The following NRG3 variants were observed in gnomAD, a reference collection of about 807,000 sequenced individuals.
NRG3 encodes neuregulin 3, also known as pro-neuregulin-3, membrane-bound isoform.
In NRG3, 31 loss-of-function variants were observed where a neutral mutation model predicts 66.9. The observed-to-expected ratio is 0.46, with a 90% CI of 0.35 to 0.63. The LOEUF (loss-of-function observed/expected upper bound fraction) is 0.63, where lower values mean the gene tolerates loss of function less well. NRG3 is among the 20% of genes least tolerant of loss of function. The pLI, the probability that NRG3 is intolerant of heterozygous loss-of-function variation, is 0.00. For synonymous variants in NRG3, 393 were observed against 359.4 expected (o/e 1.09, Z -1.06); for missense variants, 910 against 878.9 (o/e 1.04, Z -0.45).
At chr10:82,945,010 A>G (rs957169448) in intron 4 of NRG3, among the ~76,000 whole-genome samples, 4 of 152,144 alleles carry the variant, frequency 2.6e-5, no homozygotes, top group Non-Finnish European at 2.9e-5. Context: ...TGGTAGAGAA[A>G]CACCACAAGT....
intron 3 of NRG3, among the ~76,000 whole-genome samples, chr10:82,850,430 C>T (rs192528789): frequency 2.1e-4 from 32 of 152,158 alleles, no homozygotes; most frequent in African/African-American, 5.8e-4. Context: ...ATTTGAACAA[C>T]GGGGGAAAGG....
At chr10:82,326,381 T>C (rs1366216668) in intron 1 of NRG3, among the ~76,000 whole-genome samples, 1 of 152,140 alleles carries the variant, frequency 6.6e-6, no homozygotes, top group Non-Finnish European at 1.5e-5. Context: ...TGTGCCTTTA[T>C]ATGGTTTTCT....
intron 4 of NRG3, among the ~76,000 whole-genome samples, chr10:82,901,200 T>C (rs567108438): frequency 2.0e-5 from 3 of 152,342 alleles, no homozygotes; most frequent in Admixed American, 6.5e-5. Flanking sequence ...ATCATTTATA[T>C]TCTCAAAAAT....
intron 3 of NRG3, among the ~76,000 whole-genome samples, chr10:82,846,496 T>C (rs2135794313): frequency 6.6e-6 from 1 of 152,300 alleles, no homozygotes; most frequent in Non-Finnish European, 1.5e-5. Flanking sequence ...TGAATGATTA[T>C]TATTTTTCAG....
At position 82,824,697 on chromosome 10, in the gene NRG3, G is replaced by A. The variant is rs1372153720; in HGVS notation, c.1028-40714G>A. 2.0e-5 allele frequency among the ~76,000 whole-genome samples: 3 copies of A among 148,700 alleles called. No homozygotes were observed. In the East Asian group the frequency reaches 5.8e-4, roughly 29 times the overall value. On this transcript the variant is annotated intron_variant, in intron 3 of 8. Transcript: ENST00000372141. Reference sequence around the variant, plus strand: ...TGAGAACTGTATATACAAATATTTTGCCCATTTTTTAATTATAGACACTTT... The same window carrying A: ...TGAGAACTGTATATACAAATATTTTACCCATTTTTTAATTATAGACACTTT...
At chr10:82,450,418 T>C (rs2090964757) in intron 2 of NRG3, among the ~76,000 whole-genome samples, 2 of 152,182 alleles carry the variant, frequency 1.3e-5, no homozygotes, top group Non-Finnish European at 2.9e-5. Context: ...CCCTGAAGAC[T>C]GGCCTTAGCA....
At chr10:82,864,866 C>G (rs1037983302) in intron 3 of NRG3, among the ~76,000 whole-genome samples, 1 of 152,124 alleles carries the variant, frequency 6.6e-6, no homozygotes, top group Admixed American at 6.6e-5. Context: ...TTTAATCTCA[C>G]TGAAGCACAG....
Position 82,175,116 on chromosome 10 carries a change from T to C in NRG3, c.824-183623T>C, listed in dbSNP as rs647823. Among the ~76,000 whole-genome samples the C allele has an allele frequency of 3.2e-3, 488 of 152,238 alleles. 1 individual carries two copies. The highest frequency in any genetic ancestry group is 5.9e-3 in the Non-Finnish European group (398 of 67,998). ...CATTAGGGACATTAAGACCTACCCT[T>C]ATATGGCCTTGCTACCCATCACTTT... On this transcript the variant is annotated intron_variant, in intron 1 of 8. Transcript: ENST00000372141.
At chr10:82,088,758 G>A (rs1465719668) in intron 1 of NRG3, among the ~76,000 whole-genome samples, 1 of 152,058 alleles carries the variant, frequency 6.6e-6, no homozygotes, top group Non-Finnish European at 1.5e-5. Flanking sequence ...GGCTGTACTC[G>A]ACTTTTCCCC....
chr10:82,805,588 G>A (rs1311447044), intron 3 of NRG3, among the ~76,000 whole-genome samples: 2 of 152,086 alleles, frequency 1.3e-5, no homozygotes, highest in Non-Finnish European at 2.9e-5. Flanking sequence ...AGATCTTGAG[G>A]CCCTGGGAGG....
intron 2 of NRG3, among the ~76,000 whole-genome samples, chr10:82,505,772 A>G (rs1022860947): frequency 6.6e-6 from 1 of 152,160 alleles, no homozygotes; most frequent in Admixed American, 6.5e-5. Flanking sequence ...TTCCAACCTC[A>G]CTTTGAAGAA....
intron 1 of NRG3, among the ~76,000 whole-genome samples, chr10:82,147,991 A>G (rs1436362294): frequency 2.0e-5 from 3 of 152,212 alleles, no homozygotes; most frequent in Non-Finnish European, 4.4e-5. Context: ...AGGCTTTGGA[A>G]TTCACAAGCT....
At chr10:82,729,301 A>T (rs1288381798) in intron 2 of NRG3, among the ~76,000 whole-genome samples, 2 of 152,222 alleles carry the variant, frequency 1.3e-5, no homozygotes, top group Non-Finnish European at 2.9e-5. Context: ...ACAACCTGTC[A>T]TTGTTACCCC....
intron 1 of NRG3, among the ~76,000 whole-genome samples, chr10:81,945,664 T>G (rs761024699): frequency 4.6e-5 from 7 of 152,134 alleles, no homozygotes; most frequent in Non-Finnish European, 7.3e-5. Context: ...TTGTGTCCTT[T>G]CAACCCCCCA....
chr10:82,719,224 G>A (rs1389258598), intron 2 of NRG3, among the ~76,000 whole-genome samples: 3 of 152,168 alleles, frequency 2.0e-5, no homozygotes, highest in African/African-American at 7.2e-5. Context: ...GGAAGTAATA[G>A]TGTAGATTCC....
In NRG3 at chr10:82,210,505, C is replaced by T. The variant is rs370694466; in HGVS notation, c.824-148234C>T. ...GGGGTTGAATGGAGATTGGGTTGTG[C>T]GAAAGAGAAGATTTCAAACTTTGGG... On this transcript the variant is annotated intron_variant, in intron 1 of 8. Coordinates refer to ENST00000372141, the MANE Select transcript of NRG3 (RefSeq NM_001010848.4). Among the ~76,000 whole-genome samples, 11 of 152,136 alleles carry T rather than the reference C, an allele frequency of 7.2e-5. 1 individual carries two copies. Among genetic ancestry groups the T allele is most frequent in the African/African-American group, 2.2e-4 (9 of 41,502 alleles).
intron 1 of NRG3, among the ~76,000 whole-genome samples, chr10:82,153,358 T>C (rs2070924244): frequency 6.6e-6 from 1 of 151,994 alleles, no homozygotes; most frequent in African/African-American, 2.4e-5. Flanking sequence ...GTTTCATCCA[T>C]GTTGTCACAA....
At chr10:82,456,137 CTTT>C (rs147759240) in intron 2 of NRG3, among the ~76,000 whole-genome samples, 2 of 88,800 alleles carry the variant, frequency 2.3e-5, no homozygotes, top group Admixed American at 1.3e-4. Flanking sequence ...TTTTCTGTCA[CTTT>C]TTTTTTTTTT....
intron 2 of NRG3, among the ~76,000 whole-genome samples, chr10:82,613,255 C>T (rs889755736): frequency 3.3e-5 from 5 of 152,018 alleles, no homozygotes; most frequent in African/African-American, 1.2e-4. Context: ...ATATATTATA[C>T]AATACATTCC....
Sources: allele counts gnomAD v4.1 joint callset (sites outside exome capture counted in the v4.1 genomes callset), GRCh38; gene constraint gnomAD v4.1.1; transcripts MANE v1.5; gene names NCBI Gene and HGNC (gene_info 2026-07-23, HGNC 2026-07-21).